Variants in AFG3L2 observed in about 807,000 individuals in gnomAD.
AFG3L2 encodes mitochondrial inner membrane m-AAA protease component AFG3L2.
Under a neutral mutation model 94.5 loss-of-function variants are expected in AFG3L2, and 54 were observed. That is an observed-to-expected ratio of 0.57 (90% CI 0.46 to 0.72). The LOEUF is 0.72. Among genes scored for constraint, AFG3L2 ranks in the 30% least tolerant of loss-of-function variants. The pLI is 0.00. For synonymous variants in AFG3L2, 377 were observed against 365.5 expected (o/e 1.03, Z -0.36); for missense variants, 754 against 994.9 (o/e 0.76, Z 3.26).
chr18:12,337,543 A>T lies in AFG3L2; in HGVS notation c.1981-8T>A, dbSNP rs1269916734. 1.2e-6 allele frequency: 2 copies of T among 1,613,680 alleles called. No individual in the cohort carries two copies. The highest frequency in any genetic ancestry group is 1.7e-6 in the Non-Finnish European group (2 of 1,179,680). ...CATGCCAAACTGAACAATCTGAAAA[A>T]TACATAATTAGTGGTGATTACATAT... is the stretch of plus-strand genomic sequence containing the variant. On this transcript the variant is annotated splice_region_variant and splice_polypyrimidine_tract_variant and intron_variant, in intron 15 of 16. Transcript: ENST00000269143.
At chr18:12,344,961 T>C (rs759350668) in intron 13 of AFG3L2, among the ~76,000 whole-genome samples, 3 of 152,210 alleles carry the variant, frequency 2.0e-5, no homozygotes, top group Non-Finnish European at 2.9e-5. Context: ...CCTCATTGCA[T>C]AGTCTAGGTA....
intron 6 of AFG3L2, among the ~76,000 whole-genome samples, chr18:12,362,877 G>A (rs990336520): frequency 6.7e-6 from 1 of 149,388 alleles, no homozygotes. Flanking sequence ...GCTTCCCACA[G>A]TGCTGGAACA....
At chr18:12,334,444 T>C (rs1907680134) in intron 16 of AFG3L2, among the ~76,000 whole-genome samples, 1 of 152,208 alleles carries the variant, frequency 6.6e-6, no homozygotes, top group African/African-American at 2.4e-5. Context: ...TCTGCATTCC[T>C]GTCTTTCACA....
At chr18:12,345,204 C>T (rs1908095038) in intron 13 of AFG3L2, among the ~76,000 whole-genome samples, 1 of 152,218 alleles carries the variant, frequency 6.6e-6, no homozygotes, top group Non-Finnish European at 1.5e-5. Context: ...GGGCAAACCC[C>T]AGCGACACAG....
chr18:12,358,888 T>C lies in AFG3L2; in HGVS notation c.808A>G (p.Thr270Ala). ...ATGCCAGCAGGCCCTCTTCTGATGG[T>C]GTAGAGCAAGAAGGCGATGATGAGC... ...TVLIIAFLLY[T>A]IRRGPAGIGR... Residue 270 changes from threonine to alanine, a missense_variant, in exon 8 of 17, where the codon ACC becomes GCC. This residue lies in a region of AFG3L2 where 130 missense variants were observed against 175.1 expected (regional missense o/e 0.74). Transcript: ENST00000269143. 6.2e-7 allele frequency: 1 copy of C among 1,614,176 alleles called. No individual in the cohort carries two copies. Among genetic ancestry groups the C allele is most frequent in the Non-Finnish European group, 8.5e-7 (1 of 1,180,038 alleles).
Position 12,344,117 on chromosome 18 carries a change from G to GCTA in AFG3L2, c.1779+12_1779+14dup. On this transcript the variant is annotated intron_variant, in intron 14 of 16. Coordinates refer to ENST00000269143, the MANE Select transcript of AFG3L2 (RefSeq NM_006796.3). ...ACCCATGCACTGGCTGCCTAGTGCAGCTACCCTGCTTCACCTTTAAAAGCG... is the reference window on the plus strand; with the variant it reads ...ACCCATGCACTGGCTGCCTAGTGCAGCTACTACCCTGCTTCACCTTTAAAAGCG... The GCTA allele has an allele frequency of 6.2e-7, 1 of 1,609,946 alleles. No individual in the cohort carries two copies. The highest frequency in any genetic ancestry group is 8.5e-7 in the Non-Finnish European group (1 of 1,177,770).
intron 15 of AFG3L2, among the ~76,000 whole-genome samples, chr18:12,339,098 C>G (rs1203828193): frequency 2.6e-5 from 4 of 151,242 alleles, no homozygotes; most frequent in Admixed American, 2.6e-4. Flanking sequence ...ACTAAAGATA[C>G]AAAAAATTAG....
chr18:12,356,135 A>AC (rs397740753), intron 9 of AFG3L2, among the ~76,000 whole-genome samples: 1 of 150,256 alleles, frequency 6.7e-6, no homozygotes. Context: ...AAAAAAAAAA[A>AC]TCCACAAATA....
At chr18:12,343,993 G>A (rs1324240148) in intron 14 of AFG3L2, 139 bp downstream of exon 14, 8 of 735,274 alleles carry the variant, frequency 1.1e-5, no homozygotes, top group Non-Finnish European at 1.9e-5. Flanking sequence ...TGCAACTATG[G>A]TTACCAGAAG....
chr18:12,358,175 G>T (rs1410756121), intron 8 of AFG3L2, among the ~76,000 whole-genome samples: 1 of 152,252 alleles, frequency 6.6e-6, no homozygotes, highest in Non-Finnish European at 1.5e-5. Context: ...AAGCCCTGTA[G>T]GGTACAGCCC....
At chr18:12,375,108 AG>A (rs1420362234) in intron 1 of AFG3L2, among the ~76,000 whole-genome samples, 6 of 151,588 alleles carry the variant, frequency 4.0e-5, no homozygotes, top group Non-Finnish European at 5.9e-5. Flanking sequence ...TTGGTAAAAC[AG>A]GGAAATGGAT....
intron 1 of AFG3L2, among the ~76,000 whole-genome samples, chr18:12,373,022 T>C (rs1368180003): frequency 6.6e-6 from 1 of 152,196 alleles, no homozygotes; most frequent in Non-Finnish European, 1.5e-5. Flanking sequence ...ACATTTAAGA[T>C]GAACAATGGT....
At chr18:12,336,586 C>T (rs1282753737) in intron 16 of AFG3L2, among the ~76,000 whole-genome samples, 1 of 152,206 alleles carries the variant, frequency 6.6e-6, no homozygotes, top group East Asian at 1.9e-4. Context: ...TAAGCTCTTT[C>T]TCTACTGCAA....
At chr18:12,362,503 G>A (rs1255278644) in intron 6 of AFG3L2, among the ~76,000 whole-genome samples, 2 of 152,078 alleles carry the variant, frequency 1.3e-5, no homozygotes, top group African/African-American at 4.8e-5. Flanking sequence ...ATTTTGAAAA[G>A]AAATCAATAT....
intron 9 of AFG3L2, 134 bp downstream of exon 9, chr18:12,356,560 A>C: frequency 9.4e-6 from 12 of 1,276,310 alleles, no homozygotes; most frequent in African/African-American, 1.5e-5. Context: ...GGCCTGGAGG[A>C]GAGCTCAGGC....
intron 16 of AFG3L2, among the ~76,000 whole-genome samples, chr18:12,332,250 A>C (rs981624139): frequency 6.7e-6 from 1 of 148,236 alleles, no homozygotes; most frequent in African/African-American, 2.5e-5. Context: ...CAGCCTCCCC[A>C]GTAGTTGGGA....
chr18:12,376,722 G>A (rs1160771491), intron 1 of AFG3L2, among the ~76,000 whole-genome samples: 1 of 152,248 alleles, frequency 6.6e-6, no homozygotes, highest in East Asian at 1.9e-4. Context: ...AACCGCCCCG[G>A]TGAAGCGCGA....
chr18:12,362,145 C>A (rs1908680393), intron 6 of AFG3L2, among the ~76,000 whole-genome samples: 1 of 152,186 alleles, frequency 6.6e-6, no homozygotes, highest in African/African-American at 2.4e-5. Flanking sequence ...GACTGACTCA[C>A]CCTATCTCAT....
chr18:12,347,706 A>G (rs1908189428), intron 13 of AFG3L2, among the ~76,000 whole-genome samples: 1 of 152,030 alleles, frequency 6.6e-6, no homozygotes, highest in African/African-American at 2.4e-5. Flanking sequence ...ACGAGCCACC[A>G]TGCCTGGCTA....
Sources: allele counts gnomAD v4.1 joint callset (sites outside exome capture counted in the v4.1 genomes callset), GRCh38; gene constraint gnomAD v4.1.1; regional missense constraint gnomAD v4.1.1; transcripts MANE v1.5; gene names NCBI Gene and HGNC (gene_info 2026-07-23, HGNC 2026-07-21).